PRDM11: variants seen among roughly 807,000 people sequenced by gnomAD.
PRDM11 encodes PR domain-containing protein 11.
Under a neutral mutation model 97.8 loss-of-function variants are expected in PRDM11, and 20 were observed. That is an observed-to-expected ratio of 0.20 (90% confidence interval 0.14 to 0.30). The LOEUF is 0.30. PRDM11 is among the 10% of genes least tolerant of loss of function. PRDM11 has a pLI of 1.00. For synonymous variants in PRDM11, 599 were observed against 637.7 expected, an observed-to-expected ratio of 0.94 and a Z score of 0.91; for missense variants, 1,139 against 1,555.2, an observed-to-expected ratio of 0.73 and a Z score of 4.50.
chr11:45,108,253 T>C (rs1852097700), intron 1 of PRDM11, among the ~76,000 whole-genome samples: 1 of 152,180 alleles, frequency 6.6e-6, no homozygotes, highest in South Asian at 2.1e-4. Flanking sequence ...TGCTGTCTAA[T>C]TCCCCATGAG....
At chr11:45,121,288 G>A (rs1852425165) in intron 1 of PRDM11, among the ~76,000 whole-genome samples, 4 of 152,094 alleles carry the variant, frequency 2.6e-5, no homozygotes, top group Admixed American at 2.0e-4. Context: ...CACAATATAG[G>A]AGGACACAAG....
At chr11:45,158,873 C>T (rs1230973797) in intron 1 of PRDM11, among the ~76,000 whole-genome samples, 7 of 152,184 alleles carry the variant, frequency 4.6e-5, no homozygotes, top group African/African-American at 1.2e-4. Context: ...ACCTCCTAAT[C>T]AAATCCTCCA....
chr11:45,157,691 T>C (rs530383305), intron 1 of PRDM11, among the ~76,000 whole-genome samples: 1 of 152,194 alleles, frequency 6.6e-6, no homozygotes, highest in Non-Finnish European at 1.5e-5. Context: ...CAGGCAGCCC[T>C]CGGGTGTGAG....
chr11:45,149,100 C>G (rs1247678069), intron 1 of PRDM11, among the ~76,000 whole-genome samples: 1 of 152,214 alleles, frequency 6.6e-6, no homozygotes. Flanking sequence ...TCTCCATCCC[C>G]TCTTCCCCAG....
intron 1 of PRDM11, among the ~76,000 whole-genome samples, chr11:45,139,387 T>C (rs1311147286): frequency 5.3e-5 from 8 of 151,924 alleles, no homozygotes; most frequent in Non-Finnish European, 7.4e-5. Context: ...GCCAACATGG[T>C]GAAACCCCAT....
upstream of PRDM11, among the ~76,000 whole-genome samples, chr11:45,141,863 T>G (rs113809970): frequency 5.9e-5 from 9 of 152,276 alleles, no homozygotes; most frequent in South Asian, 8.3e-4. Flanking sequence ...GACCAGTGCC[T>G]TACCTGCAGG....
chr11:45,107,687 C>T lies in PRDM11; in HGVS notation c.96+11786C>T, dbSNP rs140336142. On this transcript the variant is annotated intron_variant, in intron 1 of 6. Transcript: ENST00000530656. ...TGTCAGGTTTGCTGACTGGCTTTTC[C>T]GTGTTGCTTTCACACCAATCCTCTG... 4.2e-4 allele frequency among the ~76,000 whole-genome samples: 64 copies of T among 152,230 alleles called. No individual in the cohort carries two copies. In the Middle Eastern group the frequency reaches 0.014, roughly 32 times the overall value.
At chr11:45,125,537 G>A (rs1320017788) in intron 1 of PRDM11, among the ~76,000 whole-genome samples, 5 of 152,022 alleles carry the variant, frequency 3.3e-5, no homozygotes, top group African/African-American at 1.2e-4. Flanking sequence ...CTGGTATGTT[G>A]TGTCTTTGTT....
chr11:45,165,511 C>T (rs1852042130), intron 1 of PRDM11, among the ~76,000 whole-genome samples: 1 of 152,242 alleles, frequency 6.6e-6, no homozygotes, highest in Admixed American at 6.5e-5. Flanking sequence ...AGGCCGCACA[C>T]TCAGATGCCC....
intron 1 of PRDM11, among the ~76,000 whole-genome samples, chr11:45,151,528 G>A (rs1019422688): frequency 4.6e-5 from 7 of 152,220 alleles, no homozygotes; most frequent in African/African-American, 1.7e-4. Context: ...TTGACCAGGT[G>A]GTCAGGACAT....
In PRDM11 at chr11:45,233,325, G is replaced by C. The variant is rs1017319005; in HGVS notation, c.*5166G>C. The C allele has an allele frequency of 7.2e-5, 11 of 152,080 alleles. No homozygotes were observed. The highest frequency in any genetic ancestry group is 6.5e-4 in the Admixed American group (10 of 15,280). The allele number at this position is 152,080 out of a possible 1,614,324, so 9.4% of individuals were successfully genotyped here. ...GAGGAGAGTGGCTGGGTCCCGGCTCGCTCCATGCACTTTCTCTCCTTTTCC... is the reference window on the plus strand; with the variant it reads ...GAGGAGAGTGGCTGGGTCCCGGCTCCCTCCATGCACTTTCTCTCCTTTTCC... On this transcript the variant is annotated 3_prime_UTR_variant, in exon 8 of 8. Transcript: ENST00000683152.
At chr11:45,213,177 C>G (rs112102403) in intron 5 of PRDM11, 189 of 456,694 alleles carry the variant, frequency 4.1e-4, no homozygotes, top group African/African-American at 3.3e-3. Flanking sequence ...ACCTCCTCAC[C>G]GAGCGCAGGT....
At chr11:45,196,644 A>G (rs190910899) in intron 4 of PRDM11, among the ~76,000 whole-genome samples, 4 of 152,238 alleles carry the variant, frequency 2.6e-5, no homozygotes, top group Admixed American at 2.6e-4. Flanking sequence ...CCAAACTAGT[A>G]CTCAGAATGC....
chr11:45,164,941 G>T (rs1282312651), intron 1 of PRDM11, among the ~76,000 whole-genome samples: 1 of 152,128 alleles, frequency 6.6e-6, no homozygotes, highest in South Asian at 2.1e-4. Context: ...TTTATCCAAG[G>T]TCTATGCCTC....
intron 1 of PRDM11, among the ~76,000 whole-genome samples, chr11:45,119,158 G>C (rs1248573372): frequency 6.6e-6 from 1 of 152,192 alleles, no homozygotes; most frequent in Non-Finnish European, 1.5e-5. Flanking sequence ...AGAAACTCTT[G>C]CATAGGTGGT....
intron 1 of PRDM11, among the ~76,000 whole-genome samples, chr11:45,180,397 T>C (rs1202403534): frequency 6.6e-6 from 1 of 151,954 alleles, no homozygotes; most frequent in East Asian, 1.9e-4. Context: ...CCAAGGCAGC[T>C]CGGAGGCTGG....
chr11:45,145,400 C>T (rs931577701), upstream of PRDM11, among the ~76,000 whole-genome samples: 3 of 151,420 alleles, frequency 2.0e-5, no homozygotes, highest in African/African-American at 7.3e-5. Context: ...CATGAGCACC[C>T]CCATCTGACC....
intron 3 of PRDM11, 119 bp from the exon 4 acceptor site, chr11:45,182,742 C>G: frequency 4.7e-6 from 6 of 1,281,088 alleles, no homozygotes; most frequent in Non-Finnish European, 6.5e-6. Context: ...TACCGATGAC[C>G]CTGGGGCCTG....
At chr11:45,181,147 C>T (rs935222245) in intron 1 of PRDM11, among the ~76,000 whole-genome samples, 5 of 152,168 alleles carry the variant, frequency 3.3e-5, no homozygotes, top group Non-Finnish European at 7.4e-5. Context: ...GGGCTGAAGC[C>T]CGGCGCGGTG....
Sources: allele counts gnomAD v4.1 joint callset (sites outside exome capture counted in the v4.1 genomes callset), GRCh38; gene constraint gnomAD v4.1.1; transcripts MANE v1.5; gene names NCBI Gene and HGNC (gene_info 2026-07-23, HGNC 2026-07-21).